Variants in DLGAP2 observed in about 807,000 individuals in gnomAD.
The protein encoded by DLGAP2 is DLG associated protein 2.
DLGAP2 carries 26 observed loss-of-function variants against 100.3 expected under a neutral mutation model. That is an observed-to-expected ratio of 0.26 (90% CI 0.19 to 0.36). The LOEUF is 0.36. DLGAP2 is among the 10% of genes least tolerant of loss of function. The pLI is 1.00. For synonymous variants in DLGAP2, 886 were observed against 630.1 expected (o/e 1.41, Z -6.08); for missense variants, 1,858 against 1,453.2 (o/e 1.28, Z -4.53).
chr8:1,596,900 T>G (rs1796475714), intron 6 of DLGAP2, among the ~76,000 whole-genome samples: 4 of 152,252 alleles, frequency 2.6e-5, no homozygotes. Flanking sequence ...TGGCTTTTGT[T>G]GCCATTGCTC....
At chr8:1,240,147 C>G (rs1312160130) in intron 2 of DLGAP2, among the ~76,000 whole-genome samples, 3 of 149,756 alleles carry the variant, frequency 2.0e-5, no homozygotes, top group Admixed American at 1.3e-4. Context: ...GTGTAGTTCT[C>G]TCTCATACAT....
intron 5 of DLGAP2, among the ~76,000 whole-genome samples, chr8:1,561,753 T>G (rs1368870971): frequency 2.9e-5 from 3 of 104,088 alleles, no homozygotes; most frequent in Admixed American, 1.0e-4. Context: ...GACTGTGTGG[T>G]GTTGGGGTGT....
At chr8:1,670,741 G>A (rs112937767) in intron 10 of DLGAP2, among the ~76,000 whole-genome samples, 1,875 of 152,294 alleles carry the variant, frequency 0.012, 18 homozygotes, top group Non-Finnish European at 0.02. Context: ...GTGAGCTGGC[G>A]GTCTCACAAT....
chr8:1,151,137 A>C (rs1796690022), intron 2 of DLGAP2, among the ~76,000 whole-genome samples: 6 of 152,116 alleles, frequency 3.9e-5, no homozygotes, highest in Admixed American at 3.3e-4. Flanking sequence ...CTTCTATCTC[A>C]TGGATGCGTT....
At chr8:1,455,363 C>A (rs187217189) in intron 3 of DLGAP2, among the ~76,000 whole-genome samples, 2 of 152,376 alleles carry the variant, frequency 1.3e-5, no homozygotes, top group African/African-American at 4.8e-5. Context: ...CCGCTGCAGA[C>A]TGAAGTCCAC....
At chr8:834,057 G>A (rs1339852077) in intron 1 of DLGAP2, among the ~76,000 whole-genome samples, 2 of 152,200 alleles carry the variant, frequency 1.3e-5, no homozygotes, top group African/African-American at 4.8e-5. Context: ...CAAGGAGTGG[G>A]ATTCATTAGG....
chr8:1,166,204 A>T (rs1797012232), intron 2 of DLGAP2, among the ~76,000 whole-genome samples: 1 of 152,134 alleles, frequency 6.6e-6, no homozygotes, highest in Non-Finnish European at 1.5e-5. Flanking sequence ...ATATATTTTA[A>T]ACAAATGCCT....
chr8:1,203,447 C>T (rs1797924424), intron 2 of DLGAP2, among the ~76,000 whole-genome samples: 2 of 152,170 alleles, frequency 1.3e-5, no homozygotes, highest in Admixed American at 6.5e-5. Context: ...GTTGAAGCTT[C>T]ACAGAAAGGA....
intron 1 of DLGAP2, among the ~76,000 whole-genome samples, chr8:830,068 G>T (rs1458121288): frequency 6.6e-6 from 1 of 152,162 alleles, no homozygotes; most frequent in Non-Finnish European, 1.5e-5. Context: ...GATCTTCATT[G>T]TAAAGTTTTA....
At chr8:1,144,152 G>A (rs1180637572) in intron 2 of DLGAP2, among the ~76,000 whole-genome samples, 1 of 152,222 alleles carries the variant, frequency 6.6e-6, no homozygotes, top group East Asian at 1.9e-4. Context: ...TAAAGATGAG[G>A]CAAAAAGAAA....
chr8:1,235,272 CA>C (rs1798624858), intron 2 of DLGAP2, among the ~76,000 whole-genome samples: 2 of 150,028 alleles, frequency 1.3e-5, no homozygotes. Flanking sequence ...AGTTCTCTCT[CA>C]CATGGCGTCG....
intron 3 of DLGAP2, among the ~76,000 whole-genome samples, chr8:1,295,574 G>C (rs1457774984): frequency 1.3e-5 from 2 of 152,212 alleles, no homozygotes; most frequent in Non-Finnish European, 2.9e-5. Flanking sequence ...CCCGCTCCTG[G>C]AAACAGCTCT....
At chr8:778,071 C>G (rs1470781332) in intron 1 of DLGAP2, among the ~76,000 whole-genome samples, 1 of 151,106 alleles carries the variant, frequency 6.6e-6, no homozygotes, top group African/African-American at 2.4e-5. Flanking sequence ...CTCTGAACTT[C>G]CCTTCTCGTT....
rs145350903 is a variant in DLGAP2, at chr8:1,086,272, C to G, written c.74-172579C>G. On this transcript the variant is annotated intron_variant, in intron 2 of 14. Transcript: ENST00000637795. ...TCATTTTTTTCTGCTGTCCAATTGC[C>G]CAGCATAGGACTTCTAGTACTATAT... is the stretch of plus-strand genomic sequence containing the variant. Among the ~76,000 whole-genome samples, 148 of 152,180 alleles carry G rather than the reference C, an allele frequency of 9.7e-4. 1 individual carries two copies. Among genetic ancestry groups the G allele is most frequent in the African/African-American group, 3.4e-3 (141 of 41,522 alleles).
intron 2 of DLGAP2, among the ~76,000 whole-genome samples, chr8:1,037,980 G>T (rs1230395448): frequency 6.6e-6 from 1 of 152,240 alleles, no homozygotes; most frequent in Non-Finnish European, 1.5e-5. Context: ...TGTAGACACG[G>T]AGGAGGTTGG....
At chr8:1,374,173 A>G (rs967945001) in intron 3 of DLGAP2, among the ~76,000 whole-genome samples, 7 of 151,046 alleles carry the variant, frequency 4.6e-5, no homozygotes, top group Non-Finnish European at 7.4e-5. Flanking sequence ...TTAGGTTTGC[A>G]GAGGGCTGTG....
chr8:1,413,085 A>T (rs1281946650), intron 3 of DLGAP2, among the ~76,000 whole-genome samples: 1 of 151,966 alleles, frequency 6.6e-6, no homozygotes, highest in African/African-American at 2.4e-5. Context: ...TTACCTCCTC[A>T]GTTCTCCTAG....
chr8:1,458,694 G>C (rs187176349), intron 3 of DLGAP2, among the ~76,000 whole-genome samples: 3 of 152,232 alleles, frequency 2.0e-5, no homozygotes, highest in African/African-American at 7.2e-5. Context: ...GCTCAGAGCA[G>C]CCTTCCCTGG....
At chr8:1,498,870 T>C (rs1264340799) in intron 3 of DLGAP2, among the ~76,000 whole-genome samples, 1 of 152,184 alleles carries the variant, frequency 6.6e-6, no homozygotes. Flanking sequence ...CCCACAGTTA[T>C]ACTGACACAC....
Sources: gnomAD v4.1 joint callset for allele counts (sites outside exome capture counted in the v4.1 genomes callset) on GRCh38, gnomAD v4.1.1 for gene constraint, MANE v1.5 for transcripts, NCBI Gene and HGNC (gene_info 2026-07-23, HGNC 2026-07-21) for gene names.